NEO1: variants seen among roughly 807,000 people sequenced by gnomAD.
The protein encoded by NEO1 is neogenin 1.
NEO1 carries 63 observed loss-of-function variants against 159.7 expected under a neutral mutation model. That is an observed-to-expected ratio of 0.39 (90% CI 0.32 to 0.49). The LOEUF is 0.49. Ranked by LOEUF, NEO1 falls within the 20% of genes least tolerant of loss-of-function variation. NEO1 has a pLI of 0.85. For synonymous variants in NEO1, 633 were observed against 662.0 expected (o/e 0.96, Z 0.67); for missense variants, 1,615 against 1,831.0 (o/e 0.88, Z 2.15).
chr15:73,185,221 T>A (rs1369759472), intron 7 of NEO1, among the ~76,000 whole-genome samples: 1 of 152,118 alleles, frequency 6.6e-6, no homozygotes, highest in Non-Finnish European at 1.5e-5. Context: ...TGTCATAAAT[T>A]TGTCCAAGCC....
intron 1 of NEO1, among the ~76,000 whole-genome samples, chr15:73,095,065 C>T (rs1317091227): frequency 3.9e-5 from 6 of 151,940 alleles, no homozygotes; most frequent in African/African-American, 9.7e-5. Flanking sequence ...AGAAATTAGC[C>T]GGGCATGGTG....
At chr15:73,135,718 A>G (rs2031675145) in intron 4 of NEO1, among the ~76,000 whole-genome samples, 173 bp from the exon 5 acceptor site, 1 of 152,194 alleles carries the variant, frequency 6.6e-6, no homozygotes, top group Non-Finnish European at 1.5e-5. Context: ...ATATGAGCAA[A>G]GCAAATTGGA....
At chr15:73,285,403 T>C (rs1189302427) in intron 23 of NEO1, among the ~76,000 whole-genome samples, 3 of 152,198 alleles carry the variant, frequency 2.0e-5, no homozygotes, top group African/African-American at 7.2e-5. Context: ...AGTCTTCAGA[T>C]TGAAAGTAAG....
rs150804793 is a variant in NEO1, at chr15:73,212,251, A to G, written c.1292-24096A>G. On this transcript the variant is annotated intron_variant, in intron 7 of 28. Coordinates refer to ENST00000261908, the MANE Select transcript of NEO1 (RefSeq NM_002499.4). Reference sequence around the variant, plus strand: ...GCTCTTCTTACAGGAGCTTTCAAATAATTCCTCCATCCCCCATATCATCCT... The same window carrying G: ...GCTCTTCTTACAGGAGCTTTCAAATGATTCCTCCATCCCCCATATCATCCT... Among the ~76,000 whole-genome samples the G allele has an allele frequency of 2.4e-3, 362 of 152,276 alleles. 3 individuals are homozygous for G. Among genetic ancestry groups the G allele is most frequent in the African/African-American group, 7.5e-3 (311 of 41,564 alleles).
At chr15:73,274,581 G>T in intron 20 of NEO1, 111 bp from the exon 21 acceptor site, 3 of 1,017,746 alleles carry the variant, frequency 2.9e-6, no homozygotes, top group Non-Finnish European at 4.6e-6. Flanking sequence ...CAGTTTGTTT[G>T]GAAGTTTGTG....
chr15:73,256,514 G>A lies in NEO1; in HGVS notation c.2092+1685G>A, dbSNP rs77717745. ...GACTCTGTCTCAAAAAAAGTATAAT[G>A]TTTTTACTTGTTTATGGGTATAAGT... On this transcript the variant is annotated intron_variant, in intron 13 of 28. Coordinates refer to ENST00000261908, the MANE Select transcript of NEO1 (RefSeq NM_002499.4). Among the ~76,000 whole-genome samples the A allele has an allele frequency of 8.6e-3, 1,306 of 152,090 alleles. 23 individuals are homozygous for A. The highest frequency in any genetic ancestry group is 0.03 in the African/African-American group (1,234 of 41,492).
At chr15:73,189,300 G>A (rs2036110158) in intron 7 of NEO1, among the ~76,000 whole-genome samples, 1 of 152,200 alleles carries the variant, frequency 6.6e-6, no homozygotes, top group Admixed American at 6.5e-5. Context: ...ACCTCTGTAA[G>A]ACCTGAGTAC....
intron 20 of NEO1, 40 bp downstream of exon 20, chr15:73,274,045 T>C: frequency 6.3e-7 from 1 of 1,576,936 alleles, no homozygotes. Flanking sequence ...GTGTGTCTCT[T>C]TAGTGGGGCT....
chr15:73,151,255 A>T (rs1174304635), intron 5 of NEO1, among the ~76,000 whole-genome samples: 2 of 152,292 alleles, frequency 1.3e-5, no homozygotes, highest in East Asian at 3.9e-4. Context: ...TTCCTTTGTG[A>T]GGTATTTTCT....
chr15:73,053,932 A>G (rs2067581904), intron 1 of NEO1, among the ~76,000 whole-genome samples: 1 of 152,224 alleles, frequency 6.6e-6, no homozygotes, highest in Non-Finnish European at 1.5e-5. Context: ...TGACTGATAA[A>G]CTTTTCATTT....
intron 14 of NEO1, chr15:73,259,101 T>C (rs779521833): frequency 9.8e-6 from 4 of 408,954 alleles, no homozygotes; most frequent in Non-Finnish European, 1.8e-5. Context: ...AATAAAAATG[T>C]GTATGTGCTA....
intron 1 of NEO1, among the ~76,000 whole-genome samples, chr15:73,101,416 C>G (rs77086522): frequency 5.3e-5 from 8 of 152,162 alleles, no homozygotes; most frequent in Admixed American, 5.2e-4. Context: ...CGCACGCGTG[C>G]GCACACACGC....
intron 2 of NEO1, among the ~76,000 whole-genome samples, chr15:73,122,092 T>TATATATATATATATATAC: frequency 9.7e-6 from 1 of 102,996 alleles, no homozygotes; most frequent in African/African-American, 3.7e-5. Flanking sequence ...TATATATATA[T>TATATATATATATATATAC]ATACACATTA....
At chr15:73,109,838 C>T (rs2070878950) in intron 1 of NEO1, among the ~76,000 whole-genome samples, 1 of 151,972 alleles carries the variant, frequency 6.6e-6, no homozygotes, top group African/African-American at 2.4e-5. Context: ...TGCATGTTTT[C>T]CCCAGGAGAG....
At position 73,270,305 on chromosome 15, in the gene NEO1, G is replaced by GT. The variant is rs781314017; in HGVS notation, c.2719-4dup. 1.1e-5 allele frequency: 18 copies of GT among 1,613,938 alleles called. No homozygotes were observed. Among genetic ancestry groups the GT allele is most frequent in the South Asian group, 7.7e-5 (7 of 91,028 alleles). On this transcript the variant is annotated splice_polypyrimidine_tract_variant and intron_variant, in intron 17 of 28. Coordinates refer to ENST00000261908, the MANE Select transcript of NEO1 (RefSeq NM_002499.4). ...TTCTAATTTTAAAGTCTCAATTCAT[G>GT]TTTTTTTCAGAATGCAAATGCAACC...
At chr15:73,114,288 T>G (rs896026517) in intron 1 of NEO1, among the ~76,000 whole-genome samples, 4 of 152,078 alleles carry the variant, frequency 2.6e-5, no homozygotes, top group African/African-American at 4.8e-5. Flanking sequence ...AGGCAGAAGC[T>G]AGATCAGGTG....
chr15:73,148,666 C>T (rs1420113979), intron 5 of NEO1, among the ~76,000 whole-genome samples: 1 of 152,174 alleles, frequency 6.6e-6, no homozygotes, highest in Non-Finnish European at 1.5e-5. Flanking sequence ...CAGTTACCCT[C>T]AGTTTATCTG....
In NEO1 at chr15:73,258,760, T is replaced by C. The variant is rs1040343910; in HGVS notation, c.2093-6T>C. ...TTCAGTTGTCTTCTTTGTCATTTGG[T>C]CTCAGGTCTTGATCGGGGGACTGAG... is the stretch of plus-strand genomic sequence containing the variant. On this transcript the variant is annotated splice_region_variant and splice_polypyrimidine_tract_variant and intron_variant, in intron 13 of 28. Transcript: ENST00000261908. 2 of 1,610,594 alleles carry C rather than the reference T, an allele frequency of 1.2e-6. No homozygotes were observed. Among genetic ancestry groups the C allele is most frequent in the South Asian group, 2.2e-5 (2 of 91,014 alleles).
At chr15:73,073,159 G>T (rs531805997) in intron 1 of NEO1, among the ~76,000 whole-genome samples, 1 of 152,308 alleles carries the variant, frequency 6.6e-6, no homozygotes, top group Non-Finnish European at 1.5e-5. Context: ...ATAAGACAGA[G>T]AAGTGAGCGG....
Sources: gnomAD v4.1 joint callset for allele counts (sites outside exome capture counted in the v4.1 genomes callset) on GRCh38, gnomAD v4.1.1 for gene constraint, MANE v1.5 for transcripts, NCBI Gene and HGNC (gene_info 2026-07-23, HGNC 2026-07-21) for gene names.